Variants in MEGF11 observed in about 807,000 individuals in gnomAD.
MEGF11 encodes the protein multiple epidermal growth factor-like domains protein 11.
Under a neutral mutation model 146.6 loss-of-function variants are expected in MEGF11, and 126 were observed. The observed-to-expected ratio is 0.86, with a 90% CI of 0.74 to 1.00. The LOEUF is 1.00. MEGF11 is among the 50% of genes least tolerant of loss of function. The pLI is 0.00. For missense variants in MEGF11, 1,509 were observed against 1,521.2 expected (o/e 0.99, Z 0.13); for synonymous variants, 532 against 583.4 (o/e 0.91, Z 1.27).
At chr15:66,043,397 C>A (rs562807260) in intron 5 of MEGF11, among the ~76,000 whole-genome samples, 12 of 152,344 alleles carry the variant, frequency 7.9e-5, no homozygotes, top group Non-Finnish European at 1.5e-4. Context: ...TGAACTGGCC[C>A]CATCTGCTCT....
At chr15:66,241,761 T>C (rs1279125259) in intron 1 of MEGF11, among the ~76,000 whole-genome samples, 2 of 152,058 alleles carry the variant, frequency 1.3e-5, no homozygotes, top group African/African-American at 4.8e-5. Context: ...ATGGAAACAC[T>C]GACACACAGA....
intron 10 of MEGF11, among the ~76,000 whole-genome samples, chr15:65,940,575 G>C (rs1364281189): frequency 6.6e-6 from 1 of 152,234 alleles, no homozygotes; most frequent in Non-Finnish European, 1.5e-5. Flanking sequence ...CCTAATTGGT[G>C]CGTCACTGAT....
In MEGF11 at chr15:65,955,755, A is replaced by ATT. The variant is rs1567174814; in HGVS notation, c.1287+1791_1287+1792insAA. Among the ~76,000 whole-genome samples, 4 of 13,846 alleles carry ATT rather than the reference A, an allele frequency of 2.9e-4. 1 individual carries two copies. Among genetic ancestry groups the ATT allele is most frequent in the African/African-American group, 6.4e-4 (4 of 6,226 alleles). 9.1% of individuals were successfully genotyped at this position (13,846 alleles called of 152,430 possible). Reference sequence around the variant, plus strand: ...TGAGACTCTTAAAAAAAAAAAAAAAAAAAAAAATATATATATATATATATA... The same window carrying ATT: ...TGAGACTCTTAAAAAAAAAAAAAAAATTAAAAAAATATATATATATATATATA... On this transcript the variant is annotated intron_variant, in intron 10 of 25. Transcript: ENST00000395614.
In MEGF11 at chr15:65,965,028, C is replaced by A. The variant is rs373549497; in HGVS notation, c.992G>T (p.Gly331Val). Residue 331 changes from glycine (G) to valine (V), a missense_variant, in exon 9 of 26, where the codon GGT becomes GTT. Transcript: ENST00000395614. ...GTAGCCAGGCTCACACTCGCAGGCACCCGTGGTGGGTGAACACTGCCCCCC... is the reference window on the plus strand; with the variant it reads ...GTAGCCAGGCTCACACTCGCAGGCAACCGTGGTGGGTGAACACTGCCCCCC... ...HNGGQCSPTT[G>V]ACECEPGYKG... 1.8e-5 allele frequency: 28 copies of A among 1,582,160 alleles called. No homozygotes were observed. The highest frequency in any genetic ancestry group is 2.4e-5 in the Non-Finnish European group (28 of 1,164,044).
chr15:65,923,065 G>T, intron 13 of MEGF11, 96 bp from the exon 14 acceptor site: 2 of 1,334,212 alleles, frequency 1.5e-6, no homozygotes, highest in Non-Finnish European at 2.0e-6. Flanking sequence ...AAGAGGTGGA[G>T]GCAAGCATAG....
At chr15:66,204,247 C>G (rs1346034262) in intron 1 of MEGF11, among the ~76,000 whole-genome samples, 1 of 151,812 alleles carries the variant, frequency 6.6e-6, no homozygotes, top group East Asian at 1.9e-4. Flanking sequence ...ACAAAAAGCA[C>G]AAAAATTAGC....
intron 10 of MEGF11, among the ~76,000 whole-genome samples, chr15:65,956,469 CAG>C (rs1238861888): frequency 2.6e-5 from 4 of 152,190 alleles, no homozygotes; most frequent in African/African-American, 9.7e-5. Context: ...GGTGAGGAAA[CAG>C]AAGTGAAGAG....
chr15:66,042,052 A>G (rs1330997046), intron 5 of MEGF11, among the ~76,000 whole-genome samples: 3 of 151,894 alleles, frequency 2.0e-5, no homozygotes, highest in Admixed American at 6.6e-5. Flanking sequence ...CTTAGAGCCA[A>G]TTAGAGGGAG....
At chr15:66,060,135 C>T (rs552818955) in intron 5 of MEGF11, among the ~76,000 whole-genome samples, 29 of 150,596 alleles carry the variant, frequency 1.9e-4, no homozygotes, top group African/African-American at 6.1e-4. Context: ...AGATGGGGCC[C>T]GGGACCGGAG....
intron 5 of MEGF11, among the ~76,000 whole-genome samples, chr15:66,040,745 A>G (rs892193785): frequency 6.6e-6 from 1 of 152,122 alleles, no homozygotes; most frequent in Admixed American, 6.5e-5. Flanking sequence ...GTCATCACTC[A>G]CTTCCATGGT....
intron 7 of MEGF11, among the ~76,000 whole-genome samples, chr15:65,977,113 G>A (rs2081475812): frequency 7.0e-6 from 1 of 143,396 alleles, no homozygotes; most frequent in African/African-American, 2.5e-5. Context: ...AGCTTGCAGT[G>A]AGCCGAGATC....
intron 5 of MEGF11, among the ~76,000 whole-genome samples, chr15:66,039,490 AT>A (rs1452863576): frequency 6.6e-6 from 1 of 152,164 alleles, no homozygotes; most frequent in Non-Finnish European, 1.5e-5. Context: ...TACTGTTATC[AT>A]TTCATTTGGT....
Position 65,909,115 on chromosome 15 carries a change from C to G in MEGF11, c.2917G>C (p.Ala973Pro). The change falls in exon 23 of 26, where the codon GCC becomes CCC. Residue 973 changes from alanine (A) to proline (P), a missense_variant. Coordinates refer to ENST00000395614, the MANE Select transcript of MEGF11 (RefSeq NM_001385028.1). ...TCGGGCGGGTACCTGGCCTCCAGGG[C>G]ACTGATCTGGAAATGGGAGTCTAGT... is the stretch of plus-strand genomic sequence containing the variant. ...NVLDSHFQIS[A>P]LEARYPPEDF... is the part of the protein sequence containing the mutation. The G allele has an allele frequency of 6.5e-7, 1 of 1,535,426 alleles. No homozygotes were observed. Among genetic ancestry groups the G allele is most frequent in the Non-Finnish European group, 8.7e-7 (1 of 1,146,486 alleles).
chr15:66,244,818 C>T (rs927510888), intron 1 of MEGF11, among the ~76,000 whole-genome samples: 3 of 152,096 alleles, frequency 2.0e-5, no homozygotes, highest in African/African-American at 7.2e-5. Flanking sequence ...ATAATCTATT[C>T]CTATGATTTA....
intron 19 of MEGF11, among the ~76,000 whole-genome samples, chr15:65,915,167 C>T (rs2141213672): frequency 6.6e-6 from 1 of 152,210 alleles, no homozygotes; most frequent in East Asian, 1.9e-4. Context: ...AAGGCAGAAC[C>T]AGAACTTGGC....
At chr15:65,920,292 A>C (rs2079133843) in intron 15 of MEGF11, among the ~76,000 whole-genome samples, 1 of 152,152 alleles carries the variant, frequency 6.6e-6, no homozygotes, top group Non-Finnish European at 1.5e-5. Context: ...CCCTTCCAGG[A>C]AGTTCCAGTG....
intron 10 of MEGF11, among the ~76,000 whole-genome samples, chr15:65,948,130 C>T (rs1483890131): frequency 6.6e-6 from 1 of 152,116 alleles, no homozygotes; most frequent in Non-Finnish European, 1.5e-5. Context: ...ACCTGCCACC[C>T]CCACCATCCC....
intron 10 of MEGF11, among the ~76,000 whole-genome samples, chr15:65,935,245 G>T (rs543728059): frequency 2.1e-5 from 3 of 145,368 alleles, no homozygotes; most frequent in African/African-American, 7.7e-5. Flanking sequence ...GCTTGAACCC[G>T]GGAGGTGGAG....
intron 5 of MEGF11, among the ~76,000 whole-genome samples, chr15:66,005,198 T>A (rs1292010679): frequency 1.3e-5 from 2 of 152,212 alleles, no homozygotes; most frequent in Non-Finnish European, 2.9e-5. Flanking sequence ...TCCTGAAACT[T>A]CTTCTCCCAC....
Sources: gnomAD v4.1 joint callset for allele counts (sites outside exome capture counted in the v4.1 genomes callset) on GRCh38, gnomAD v4.1.1 for gene constraint, MANE v1.5 for transcripts, NCBI Gene and HGNC (gene_info 2026-07-23, HGNC 2026-07-21) for gene names.